DCC: variants seen among roughly 807,000 people sequenced by gnomAD.
DCC encodes the protein netrin receptor DCC.
In DCC, 58 loss-of-function variants were observed where a neutral mutation model predicts 172.5. The ratio of observed to expected loss-of-function variants is 0.34; its 90% confidence interval spans 0.27 to 0.42. The LOEUF is 0.42. DCC is among the 10% of genes least tolerant of loss of function. The pLI is 1.00. For missense variants in DCC, 1,740 were observed against 1,791.0 expected (o/e 0.97, Z 0.51); for synonymous variants, 709 against 644.5 (o/e 1.10, Z -1.52).
chr18:53,174,422 C>A (rs988288803), intron 8 of DCC, among the ~76,000 whole-genome samples: 19 of 150,838 alleles, frequency 1.3e-4, no homozygotes, highest in African/African-American at 4.7e-4. Flanking sequence ...AACTGATAGA[C>A]CGCTAGCAAG....
At chr18:53,211,906 G>A (rs920104987) in intron 11 of DCC, among the ~76,000 whole-genome samples, 1 of 151,866 alleles carries the variant, frequency 6.6e-6, no homozygotes, top group Non-Finnish European at 1.5e-5. Context: ...AAGTTAGCCA[G>A]GTATGGTGGT....
At chr18:52,877,115 C>A (rs1289789441) in intron 2 of DCC, among the ~76,000 whole-genome samples, 1 of 152,266 alleles carries the variant, frequency 6.6e-6, no homozygotes, top group East Asian at 1.9e-4. Flanking sequence ...ACCCTGGAAA[C>A]AAATGCCTTG....
chr18:52,714,885 T>C (rs910061500), intron 1 of DCC, among the ~76,000 whole-genome samples: 7 of 152,226 alleles, frequency 4.6e-5, no homozygotes, highest in African/African-American at 1.7e-4. Context: ...AATTTGTTTG[T>C]TTAGTTTTCT....
chr18:53,159,086 G>A (rs1165848959), intron 8 of DCC, among the ~76,000 whole-genome samples: 2 of 151,320 alleles, frequency 1.3e-5, no homozygotes, highest in Non-Finnish European at 2.9e-5. Flanking sequence ...GTTCGTTTTA[G>A]TGTTATCTCT....
At chr18:52,607,402 C>T (rs1172665085) in intron 1 of DCC, among the ~76,000 whole-genome samples, 2 of 152,124 alleles carry the variant, frequency 1.3e-5, no homozygotes, top group Non-Finnish European at 2.9e-5. Flanking sequence ...CGGGGTACCA[C>T]TTAAAGATGG....
intron 9 of DCC, among the ~76,000 whole-genome samples, chr18:53,191,621 A>G (rs937564734): frequency 6.6e-6 from 1 of 152,252 alleles, no homozygotes; most frequent in Non-Finnish European, 1.5e-5. Flanking sequence ...AAGGAAGTCA[A>G]GAAGGTTGAC....
rs184821500 is a variant in DCC at position 53,002,317 on chromosome 18, A to G, written c.986-60988A>G. 3.9e-4 allele frequency among the ~76,000 whole-genome samples: 60 copies of G among 152,318 alleles called. No individual in the cohort carries two copies. The East Asian group carries it at 0.011, about 28-fold the overall frequency. ...TCATCACGAAATGTCAAATTTCAAA[A>G]TAAAATACTTTTAATACATACAATA... On this transcript the variant is annotated intron_variant, in intron 5 of 28. Transcript: ENST00000442544.
chr18:52,874,584 A>G (rs2039374187), intron 2 of DCC, among the ~76,000 whole-genome samples: 1 of 152,172 alleles, frequency 6.6e-6, no homozygotes, highest in Non-Finnish European at 1.5e-5. Flanking sequence ...TCTTGTCTAC[A>G]TCATATCTCT....
intron 12 of DCC, among the ~76,000 whole-genome samples, chr18:53,247,498 A>G (rs2056379273): frequency 6.6e-6 from 1 of 152,038 alleles, no homozygotes. Context: ...AATAGGAAAG[A>G]GCATAGGAGA....
intron 2 of DCC, among the ~76,000 whole-genome samples, chr18:52,782,557 T>C (rs2037566915): frequency 6.6e-6 from 1 of 152,148 alleles, no homozygotes; most frequent in Non-Finnish European, 1.5e-5. Context: ...CTTGCATACA[T>C]ACTCACCCTT....
chr18:52,357,954 A>AAAT (rs1555673413), intron 1 of DCC, among the ~76,000 whole-genome samples: 7 of 147,920 alleles, frequency 4.7e-5, no homozygotes, highest in Middle Eastern at 3.5e-3. Flanking sequence ...AAAAAAAAAA[A>AAAT]AATCTGACAA....
intron 2 of DCC, chr18:52,816,915 A>G (rs1012063851): frequency 2.0e-5 from 3 of 152,162 alleles, no homozygotes; most frequent in Non-Finnish European, 4.4e-5. Flanking sequence ...AGTGTCAAAT[A>G]TTTTTGGTTA....
intron 12 of DCC, among the ~76,000 whole-genome samples, chr18:53,242,256 T>A (rs1304186311): frequency 6.6e-6 from 1 of 152,162 alleles, no homozygotes; most frequent in African/African-American, 2.4e-5. Flanking sequence ...GCTAATTGGC[T>A]AGTGTAGACC....
chr18:53,140,029 C>CATGAATAAATGATCAGATGAATAG (rs2043806821), intron 7 of DCC, among the ~76,000 whole-genome samples: 1 of 152,056 alleles, frequency 6.6e-6, no homozygotes, highest in Non-Finnish European at 1.5e-5. Flanking sequence ...AAATATTTTG[C>CATGAATAAATGATCAGATGAATAG]ATGAATAAAT....
chr18:52,944,155 A>G (rs1332210596), intron 5 of DCC, among the ~76,000 whole-genome samples: 4 of 152,184 alleles, frequency 2.6e-5, no homozygotes, highest in African/African-American at 9.7e-5. Flanking sequence ...TCTCAGTCTC[A>G]CTTTACACAA....
chr18:52,560,771 C>T (rs980145904), intron 1 of DCC, among the ~76,000 whole-genome samples: 1 of 152,002 alleles, frequency 6.6e-6, no homozygotes, highest in Non-Finnish European at 1.5e-5. Flanking sequence ...GTATATGTGT[C>T]TTTTATTTGG....
chr18:52,832,936 A>G (rs1033516538), intron 2 of DCC, among the ~76,000 whole-genome samples: 10 of 152,144 alleles, frequency 6.6e-5, no homozygotes, highest in African/African-American at 2.4e-4. Context: ...AAAATTTAAA[A>G]TGTACATATT....
intron 1 of DCC, among the ~76,000 whole-genome samples, chr18:52,622,316 A>G (rs1201139711): frequency 6.6e-6 from 1 of 152,224 alleles, no homozygotes; most frequent in African/African-American, 2.4e-5. Context: ...CTAGAAGAGT[A>G]CATTGTTCTA....
intron 1 of DCC, among the ~76,000 whole-genome samples, chr18:52,654,798 G>T (rs1010202604): frequency 2.0e-5 from 3 of 152,212 alleles, no homozygotes; most frequent in South Asian, 2.1e-4. Context: ...TGGAAACTGA[G>T]TTGCAGGAGA....
Sources: allele counts gnomAD v4.1 joint callset (sites outside exome capture counted in the v4.1 genomes callset), GRCh38; gene constraint gnomAD v4.1.1; transcripts MANE v1.5; gene names NCBI Gene and HGNC (gene_info 2026-07-23, HGNC 2026-07-21).